Variants in OR1J2 observed in about 807,000 individuals in gnomAD.
The protein encoded by OR1J2 is olfactory receptor 1J2.
For synonymous variants in OR1J2, 142 were observed against 99.7 expected (o/e 1.42, Z -2.52); for missense variants, 304 against 246.1 (o/e 1.24, Z -1.57).
the OR1J2 span, among the ~76,000 whole-genome samples, chr9:122,493,767 T>G: frequency 6.6e-6 from 1 of 152,162 alleles, no homozygotes; most frequent in African/African-American, 2.4e-5. Flanking sequence ...GTTTCTCCAG[T>G]TCCATGAGGT....
At chr9:122,549,502 A>G in the OR1J2 span, among the ~76,000 whole-genome samples, 1 of 152,204 alleles carries the variant, frequency 6.6e-6, no homozygotes, top group Non-Finnish European at 1.5e-5. Context: ...CAGGTCTTAC[A>G]GTTAAGTCTT....
At chr9:122,553,961 G>A in the OR1J2 span, 16,762 of 1,613,644 alleles carry the variant, frequency 0.01, 114 homozygotes, top group Non-Finnish European at 0.012. Flanking sequence ...ATCTCACGGT[G>A]GTTCTGCTCT....
At chr9:122,453,426 C>T in the OR1J2 span, among the ~76,000 whole-genome samples, 1 of 152,198 alleles carries the variant, frequency 6.6e-6, no homozygotes, top group East Asian at 1.9e-4. Flanking sequence ...AAGTTCCCAA[C>T]CTCCTAAGTC....
the OR1J2 span, among the ~76,000 whole-genome samples, chr9:122,458,350 A>G: frequency 6.6e-6 from 1 of 152,168 alleles, no homozygotes; most frequent in Non-Finnish European, 1.5e-5. Context: ...TGGTGTGCTA[A>G]AGTCTAGTTT....
chr9:122,526,609 G>A, the OR1J2 span: 89 of 1,614,014 alleles, frequency 5.5e-5, no homozygotes, highest in African/African-American at 1.6e-4. Flanking sequence ...ACCCCACCAC[G>A]GGTTCGGACC....
chr9:122,474,902 G>C, the OR1J2 span, among the ~76,000 whole-genome samples: 4 of 152,200 alleles, frequency 2.6e-5, no homozygotes, highest in Non-Finnish European at 5.9e-5. Context: ...TGGACTCCGT[G>C]TCTAAGCAGC....
the OR1J2 span, among the ~76,000 whole-genome samples, chr9:122,482,400 G>T: frequency 1.3e-5 from 2 of 152,106 alleles, no homozygotes; most frequent in African/African-American, 4.8e-5. Flanking sequence ...GGAAAAAGGG[G>T]AAGACTTATA....
rs1588190320 is a variant in OR1J2, at chr9:122,511,571, G to A, written c.770G>A (p.Gly257Asp). ...VVSLYYGSIF[G>D]QYLFPTVSSS... ...TCTCTCTATTATGGGTCAATATTTG[G>A]CCAGTACCTTTTCCCGACTGTAAGC... The change falls in exon 1 of 1, where the codon GGC (glycine) becomes GAC (aspartate). Residue 257 changes from glycine to aspartate, a missense_variant. By Grantham distance (94) the Gly-to-Asp change is moderately conservative (BLOSUM62 -1). Coordinates refer to ENST00000335302, the MANE Select transcript of OR1J2 (RefSeq NM_054107.1). 1 of 780,942 alleles carries A rather than the reference G, an allele frequency of 1.3e-6. No homozygotes were observed. The highest frequency in any genetic ancestry group is 2.4e-6 in the Non-Finnish European group (1 of 418,094). The allele number at this position is 780,942 out of a possible 1,614,324, so 48.4% of individuals were successfully genotyped here.
chr9:122,483,426 A>C, the OR1J2 span, among the ~76,000 whole-genome samples: 1 of 152,200 alleles, frequency 6.6e-6, no homozygotes, highest in Admixed American at 6.5e-5. Context: ...AAAAGGAATA[A>C]ACTGTATGCC....
chr9:122,545,375 C>T, the OR1J2 span, among the ~76,000 whole-genome samples: 10 of 152,036 alleles, frequency 6.6e-5, no homozygotes, highest in Non-Finnish European at 1.2e-4. Flanking sequence ...ATTGATTAAT[C>T]ATTCTATCTA....
chr9:122,505,723 A>T, the OR1J2 span, among the ~76,000 whole-genome samples: 2 of 152,148 alleles, frequency 1.3e-5, no homozygotes, highest in African/African-American at 4.8e-5. Context: ...ATGATAAATG[A>T]CCATTTTCCT....
At chr9:122,464,255 C>G in the OR1J2 span, among the ~76,000 whole-genome samples, 1 of 152,222 alleles carries the variant, frequency 6.6e-6, no homozygotes, top group Non-Finnish European at 1.5e-5. Context: ...ACCCAGATCC[C>G]ATGCAGCCCA....
chr9:122,479,807 C>G, the OR1J2 span, among the ~76,000 whole-genome samples: 351 of 152,234 alleles, frequency 2.3e-3, 1 homozygote, highest in Non-Finnish European at 4.1e-3. Context: ...TCTATCATAA[C>G]CAACTAATGC....
At chr9:122,466,191 C>T in the OR1J2 span, among the ~76,000 whole-genome samples, 1 of 152,162 alleles carries the variant, frequency 6.6e-6, no homozygotes, top group Non-Finnish European at 1.5e-5. Flanking sequence ...AAGACTATGA[C>T]AGAGCCTGAA....
At chr9:122,552,071 T>TCACA in the OR1J2 span, among the ~76,000 whole-genome samples, 2 of 116,976 alleles carry the variant, frequency 1.7e-5, no homozygotes, top group African/African-American at 3.0e-5. Flanking sequence ...TCTCTCTCTC[T>TCACA]CTCTCTCTCA....
chr9:122,478,114 G>A, the OR1J2 span, among the ~76,000 whole-genome samples: 3 of 152,176 alleles, frequency 2.0e-5, no homozygotes, highest in South Asian at 2.1e-4. Context: ...AGGTTTAGTC[G>A]ATATAGCTAC....
the OR1J2 span, among the ~76,000 whole-genome samples, chr9:122,456,091 C>T: frequency 1.4e-4 from 22 of 152,116 alleles, no homozygotes; most frequent in South Asian, 6.2e-4. Context: ...TTTTTTATGA[C>T]GGCAGTTTTG....
the OR1J2 span, among the ~76,000 whole-genome samples, chr9:122,524,546 A>G: frequency 2.6e-5 from 4 of 152,206 alleles, no homozygotes; most frequent in African/African-American, 9.6e-5. Flanking sequence ...ACAGAATTAT[A>G]TTAAGTAAAC....
chr9:122,553,264 T>G, the OR1J2 span: 1 of 1,613,882 alleles, frequency 6.2e-7, no homozygotes, highest in South Asian at 1.1e-5. Flanking sequence ...TTCCTCCTTC[T>G]AGGACTCTCT....
Sources: gnomAD v4.1 joint callset for allele counts (sites outside exome capture counted in the v4.1 genomes callset) on GRCh38, gnomAD v4.1.1 for gene constraint, MANE v1.5 for transcripts, NCBI Gene and HGNC (gene_info 2026-07-23, HGNC 2026-07-21) for gene names.